Variants in CDK18 observed in about 807,000 individuals in gnomAD.
CDK18 encodes the protein cyclin dependent kinase 18.
CDK18 carries 52 observed loss-of-function variants against 62.0 expected under a neutral mutation model. That is an observed-to-expected ratio of 0.84 (90% CI 0.67 to 1.06). The LOEUF is 1.06. Among genes scored for constraint, CDK18 ranks in the 50% least tolerant of loss-of-function variants. The pLI is 0.00. For missense variants in CDK18, 604 were observed against 619.9 expected (o/e 0.97, Z 0.27); for synonymous variants, 237 against 247.0 (o/e 0.96, Z 0.38).
chr1:205,531,478 G>A lies in CDK18; in HGVS notation c.*100G>A, dbSNP rs1023617324. The A allele has an allele frequency of 6.1e-6, 7 of 1,139,940 alleles. No homozygotes were observed. The highest frequency in any genetic ancestry group is 1.5e-5 in the African/African-American group (1 of 65,952). The allele number at this position is 1,139,940 out of a possible 1,614,324, so 70.6% of individuals were successfully genotyped here. ...TGGCCCTCGGAGGACTGAAGAACGA[G>A]GGCTGACAGCCAGCCTGGAAGACCG... is the stretch of plus-strand genomic sequence containing the variant. On this transcript the variant is annotated 3_prime_UTR_variant, in exon 16 of 16. Transcript: ENST00000429964.
chr1:205,530,790 T>TC, intron 15 of CDK18, 85 bp downstream of exon 15: 3 of 1,096,046 alleles, frequency 2.7e-6, no homozygotes, highest in South Asian at 2.6e-5. Flanking sequence ...ACTCCCATGG[T>TC]CCCCCCACCA....
intron 1 of CDK18, among the ~76,000 whole-genome samples, chr1:205,508,118 T>C (rs1667400262): frequency 6.6e-6 from 1 of 152,230 alleles, no homozygotes; most frequent in Admixed American, 6.5e-5. Flanking sequence ...GGTGAGTGGC[T>C]GGCCTGGTTC....
chr1:205,507,494 G>A (rs1339466624), intron 1 of CDK18, among the ~76,000 whole-genome samples: 2 of 150,902 alleles, frequency 1.3e-5, no homozygotes, highest in Middle Eastern at 3.4e-3. Flanking sequence ...CACAAAATTA[G>A]TCAGGCGTGG....
At position 205,527,641 on chromosome 1, in the gene CDK18, G is replaced by T; in HGVS notation, c.730-153G>T. 1 of 719,568 alleles carries T rather than the reference G, an allele frequency of 1.4e-6. No individual in the cohort carries two copies. The highest frequency in any genetic ancestry group is 2.4e-6 in the Non-Finnish European group (1 of 416,840). The allele number at this position is 719,568 out of a possible 1,614,324, so 44.6% of individuals were successfully genotyped here. The stretch of plus-strand genomic sequence containing the variant: ...CCTCTGGATGGGATTCCCTGGTGTG[G>T]GTGGGGTCCAGGATGGGGGCTGCAG... On this transcript the variant is annotated intron_variant, in intron 8 of 15. Coordinates refer to ENST00000429964, the MANE Select transcript of CDK18 (RefSeq NM_212502.3). The surrounding 1 kb of genome is among the most constrained non-coding windows in gnomAD (Gnocchi z 4.1).
chr1:205,526,113 C>T lies in CDK18; in HGVS notation c.505C>T (p.Leu169Phe). 6.2e-7 allele frequency: 1 copy of T among 1,614,102 alleles called. No homozygotes were observed. The highest frequency in any genetic ancestry group is 8.5e-7 in the Non-Finnish European group (1 of 1,179,980). ...FKGRSKLTEN[L>F]VALKEIRLEH... ...AGGGCGCAGCAAACTGACGGAGAAC[C>T]TTGTGGCCCTGAAAGAGATCCGGCT... The change falls in exon 6 of 16, where the codon CTT becomes TTT. Residue 169 changes from leucine to phenylalanine, a missense_variant. Leu to Phe is a conservative substitution (Grantham distance 22). Transcript: ENST00000429964.
intron 13 of CDK18, chr1:205,529,864 G>T: frequency 1.5e-6 from 2 of 1,337,900 alleles, no homozygotes; most frequent in East Asian, 5.4e-5. Flanking sequence ...TAAGATGGCC[G>T]TGAGGATACA....
rs868362760 is a variant in CDK18, at chr1:205,507,652, A to T, written c.-22+2856A>T. 2.1e-3 allele frequency among the ~76,000 whole-genome samples: 322 copies of T among 150,640 alleles called. 4 individuals are homozygous for T. The highest frequency in any genetic ancestry group is 0.017 in the Middle Eastern group (5 of 286). On this transcript the variant is annotated intron_variant, in intron 1 of 15. Coordinates refer to ENST00000429964, the MANE Select transcript of CDK18 (RefSeq NM_212502.3). The stretch of plus-strand genomic sequence containing the variant: ...CCGTCTCAAAAAAAAAAAAAAAAAA[A>T]AAAAAAAAAAATAATGCACAGTGCC...
intron 4 of CDK18, 23 bp from the exon 5 acceptor site, chr1:205,525,116 C>T (rs1192148555): frequency 6.3e-7 from 1 of 1,588,444 alleles, no homozygotes; most frequent in Non-Finnish European, 8.6e-7. Context: ...AAGCTCACGG[C>T]ATTCTATGTC....
At chr1:205,530,024 C>G (rs1668658805) in intron 13 of CDK18, 1 of 1,414,456 alleles carries the variant, frequency 7.1e-7, no homozygotes, top group Non-Finnish European at 9.2e-7. Flanking sequence ...GAAGGTCACT[C>G]TCCTGAAGTT....
chr1:205,512,530 G>A (rs1162227198), intron 1 of CDK18, among the ~76,000 whole-genome samples: 1 of 152,194 alleles, frequency 6.6e-6, no homozygotes, highest in African/African-American at 2.4e-5. Flanking sequence ...CAGAGGCCTG[G>A]GGGAGGCCAT....
chr1:205,529,364 C>G lies in CDK18; in HGVS notation c.1113C>G (p.Phe371Leu). 1 of 1,614,074 alleles carries G rather than the reference C, an allele frequency of 6.2e-7. No homozygotes were observed. The highest frequency in any genetic ancestry group is 8.5e-7 in the Non-Finnish European group (1 of 1,179,958). ...TEETWPGVTAFSEFRTYSFPC... is the reference protein window; with the variant it reads ...TEETWPGVTALSEFRTYSFPC... ...AGACGTGGCCCGGCGTGACCGCCTTCTCTGAGTTCCGCACCTACAGCTTCC... is the reference window on the plus strand; with the variant it reads ...AGACGTGGCCCGGCGTGACCGCCTTGTCTGAGTTCCGCACCTACAGCTTCC... Residue 371 changes from phenylalanine to leucine, a missense_variant, in exon 12 of 16, where the codon TTC becomes TTG. Phe to Leu is a conservative substitution (Grantham distance 22, BLOSUM62 0). Coordinates refer to ENST00000429964, the MANE Select transcript of CDK18 (RefSeq NM_212502.3).
At chr1:205,529,141 G>A (rs771300306) in intron 11 of CDK18, 45 bp downstream of exon 11, 12 of 1,497,934 alleles carry the variant, frequency 8.0e-6, no homozygotes, top group South Asian at 2.4e-5. Flanking sequence ...AGGGGGCGCC[G>A]GAACTCCTCC....
chr1:205,525,078 T>A (rs1668354237), intron 4 of CDK18, 61 bp from the exon 5 acceptor site: 1 of 1,165,410 alleles, frequency 8.6e-7, no homozygotes, highest in Admixed American at 1.8e-5. Context: ...GGGGGAGGCG[T>A]CATGTCTGTG....
chr1:205,506,955 G>A (rs746038714), intron 1 of CDK18, among the ~76,000 whole-genome samples: 1 of 152,374 alleles, frequency 6.6e-6, no homozygotes, highest in South Asian at 2.1e-4. Flanking sequence ...ACATGGAGCT[G>A]CCTTTCAGGG....
chr1:205,508,456 A>G (rs947588158), intron 1 of CDK18, among the ~76,000 whole-genome samples: 1 of 152,226 alleles, frequency 6.6e-6, no homozygotes, highest in Non-Finnish European at 1.5e-5. Flanking sequence ...CCAGTGGTTC[A>G]GCAGCAAGTC....
At chr1:205,524,403 C>T in intron 4 of CDK18, 46 bp downstream of exon 4, 2 of 1,610,838 alleles carry the variant, frequency 1.2e-6, no homozygotes, top group Non-Finnish European at 1.7e-6. Flanking sequence ...GTGATATGCC[C>T]TCCCCAGCAT....
intron 1 of CDK18, among the ~76,000 whole-genome samples, chr1:205,513,311 A>G (rs1667656601): frequency 6.6e-6 from 1 of 152,174 alleles, no homozygotes; most frequent in Non-Finnish European, 1.5e-5. Flanking sequence ...GATGGAGGCC[A>G]GGCCTATCCT....
intron 1 of CDK18, among the ~76,000 whole-genome samples, chr1:205,506,416 C>T (rs1295838115): frequency 6.6e-6 from 1 of 152,162 alleles, no homozygotes; most frequent in African/African-American, 2.4e-5. Context: ...CATACCCTGC[C>T]AGGAGAATGG....
chr1:205,530,766 C>A, intron 15 of CDK18, 61 bp downstream of exon 15: 1 of 1,399,884 alleles, frequency 7.1e-7, no homozygotes, highest in Non-Finnish European at 1.0e-6. Context: ...GCAGGCGACC[C>A]CTCCCCAGTG....
Sources: gnomAD v4.1 joint callset for allele counts (sites outside exome capture counted in the v4.1 genomes callset) on GRCh38, gnomAD v4.1.1 for gene constraint, Gnocchi (gnomAD v3.1) non-coding constraint, MANE v1.5 for transcripts, NCBI Gene and HGNC (gene_info 2026-07-23, HGNC 2026-07-21) for gene names.